ADAMTSL1: variants seen among roughly 807,000 people sequenced by gnomAD.
ADAMTSL1 encodes ADAMTS-like protein 1.
A neutral mutation model predicts 201.8 loss-of-function variants in ADAMTSL1; 126 were observed. The ratio of observed to expected loss-of-function variants is 0.62; its 90% CI spans 0.54 to 0.72. ADAMTSL1 has a LOEUF of 0.72. Ranked by LOEUF, ADAMTSL1 falls within the 30% of genes least tolerant of loss-of-function variation. The probability of loss-of-function intolerance (pLI) is 0.00; values close to 1 mark genes in which losing one functional copy is unlikely to be tolerated. For missense variants in ADAMTSL1, 2,679 were observed against 2,277.8 expected, an observed-to-expected ratio of 1.18 and a Z score of -3.59; for synonymous variants, 1,121 against 903.4, an observed-to-expected ratio of 1.24 and a Z score of -4.32.
intron 1 of ADAMTSL1, among the ~76,000 whole-genome samples, chr9:18,493,634 A>G (rs558507944): frequency 6.6e-6 from 1 of 152,378 alleles, no homozygotes; most frequent in South Asian, 2.1e-4. Context: ...TAGAGTTGGC[A>G]TAAAAAGACA....
In ADAMTSL1 at chr9:18,307,133, C is replaced by G. The variant is rs574309503; in HGVS notation, c.207+143152C>G. Among the ~76,000 whole-genome samples, 3 of 152,214 alleles carry G rather than the reference C, an allele frequency of 2.0e-5. No individual in the cohort carries two copies. In the South Asian group the frequency reaches 6.3e-4, roughly 32 times the overall value. On this transcript the variant is annotated intron_variant, in intron 2 of 29. Coordinates refer to the ADAMTSL1 transcript ENST00000680146. ...AAGGGGAAATAAAATCCTTTACAGA[C>G]AAGCAAATGCTGAGAGATTTTTTCA... is the stretch of plus-strand genomic sequence containing the variant.
chr9:18,074,932 C>T (rs946676764), intron 1 of ADAMTSL1, among the ~76,000 whole-genome samples: 1 of 152,184 alleles, frequency 6.6e-6, no homozygotes, highest in Non-Finnish European at 1.5e-5. Flanking sequence ...GGAATGCTGT[C>T]ATCAGCCAGG....
intron 7 of ADAMTSL1, among the ~76,000 whole-genome samples, chr9:18,655,819 A>AAAAAAAAAAAAAAAAAAT (rs1564123611): frequency 2.2e-4 from 22 of 101,038 alleles, no homozygotes; most frequent in Admixed American, 9.1e-4. Context: ...AAAAAAAAAA[A>AAAAAAAAAAAAAAAAAAT]AAAAAAAAAA....
intron 2 of ADAMTSL1, among the ~76,000 whole-genome samples, chr9:18,413,020 T>C (rs955012591): frequency 2.0e-5 from 3 of 152,198 alleles, no homozygotes; most frequent in African/African-American, 7.2e-5. Flanking sequence ...ACCAAGTTTT[T>C]AGTAGGCTCA....
chr9:18,657,817 T>A, intron 8 of ADAMTSL1, 67 bp downstream of exon 8: 1 of 1,308,090 alleles, frequency 7.6e-7, no homozygotes, highest in Non-Finnish European at 1.1e-6. Context: ...ATTATAAGAG[T>A]AGAGTTACTT....
chr9:17,999,843 G>C (rs1414477362), intron 1 of ADAMTSL1, among the ~76,000 whole-genome samples: 1 of 149,910 alleles, frequency 6.7e-6, no homozygotes, highest in African/African-American at 2.5e-5. Context: ...CTATGAGTGA[G>C]AATATGCGGT....
intron 23 of ADAMTSL1, among the ~76,000 whole-genome samples, chr9:18,836,141 C>T (rs908039802): frequency 2.0e-5 from 3 of 152,144 alleles, no homozygotes; most frequent in African/African-American, 7.2e-5. Context: ...AAAGCATTCC[C>T]TTTTCTCTGC....
chr9:18,353,283 C>A (rs917019889), intron 2 of ADAMTSL1, among the ~76,000 whole-genome samples: 9 of 152,174 alleles, frequency 5.9e-5, no homozygotes, highest in Admixed American at 5.9e-4. Flanking sequence ...ACTTACTATG[C>A]ACTAGACAGG....
chr9:18,790,762 C>G lies in ADAMTSL1; in HGVS notation c.3678-4635C>G, dbSNP rs114477170. On this transcript the variant is annotated intron_variant, in intron 19 of 28. Transcript: ENST00000380548. ...AGGCCCCCAGAAAAACAAAACCGCT[C>G]CTTCATTTTCTGGCTAGAAGTAGGG... Among the ~76,000 whole-genome samples the G allele has an allele frequency of 4.7e-3, 713 of 152,156 alleles. 6 individuals carry two copies. The highest frequency in any genetic ancestry group is 0.016 in the African/African-American group (684 of 41,526).
intron 1 of ADAMTSL1, among the ~76,000 whole-genome samples, chr9:17,924,754 G>A (rs1382613101): frequency 3.8e-3 from 460 of 119,518 alleles, no homozygotes; most frequent in Non-Finnish European, 4.9e-3. Context: ...AAAAACCCTA[G>A]AAGAAAACCT....
chr9:17,913,352 T>G (rs1825964496), intron 1 of ADAMTSL1, among the ~76,000 whole-genome samples: 2 of 152,222 alleles, frequency 1.3e-5, no homozygotes. Context: ...TCCATTTGTT[T>G]GTATCCTCTT....
In ADAMTSL1 at chr9:18,345,747, G is replaced by A. The variant is rs568501053; in HGVS notation, c.208-159082G>A. 7.2e-5 allele frequency among the ~76,000 whole-genome samples: 11 copies of A among 152,244 alleles called. No homozygotes were observed. In the East Asian group the frequency reaches 2.1e-3, roughly 29 times the overall value. On this transcript the variant is annotated intron_variant, in intron 2 of 29. Transcript: ENST00000680146. ...AAGGGAATGAACATGCATCTCAGAG[G>A]TGAGAGGAGCTGCTTCTGTAGCAGC...
At chr9:18,143,964 CT>C (rs1826513974) in intron 1 of ADAMTSL1, among the ~76,000 whole-genome samples, 1 of 152,120 alleles carries the variant, frequency 6.6e-6, no homozygotes, top group Non-Finnish European at 1.5e-5. Context: ...CAAAAGATTT[CT>C]GGTGGGAACG....
intron 4 of ADAMTSL1, among the ~76,000 whole-genome samples, chr9:18,597,679 GC>G (rs1374488164): frequency 6.6e-5 from 10 of 152,102 alleles, no homozygotes; most frequent in African/African-American, 2.4e-4. Context: ...TTATACATGG[GC>G]TAACTGGCAT....
At chr9:18,514,327 C>CTTTTTTTTTTTTTTT (rs397963773) in intron 2 of ADAMTSL1, among the ~76,000 whole-genome samples, 6 of 100,094 alleles carry the variant, frequency 6.0e-5, no homozygotes, top group African/African-American at 1.2e-4. Context: ...ATTTTTCTTT[C>CTTTTTTTTTTTTTTT]TTTTTTTTTT....
chr9:18,691,989 G>A (rs188335056), intron 13 of ADAMTSL1, among the ~76,000 whole-genome samples: 326 of 152,304 alleles, frequency 2.1e-3, no homozygotes, highest in Non-Finnish European at 3.7e-3. Flanking sequence ...TGAGGCAGCT[G>A]TTGTATCTGC....
At chr9:18,495,494 C>T (rs977624560) in intron 1 of ADAMTSL1, among the ~76,000 whole-genome samples, 1 of 152,188 alleles carries the variant, frequency 6.6e-6, no homozygotes, top group Admixed American at 6.5e-5. Context: ...AGCTAAGAGA[C>T]TAGGTTGGTT....
intron 2 of ADAMTSL1, among the ~76,000 whole-genome samples, chr9:18,367,913 T>A (rs1836846962): frequency 6.6e-6 from 1 of 151,904 alleles, no homozygotes. Context: ...TTTATTTTAT[T>A]TTTTGAGACG....
chr9:18,872,296 G>C (rs181016934), intron 23 of ADAMTSL1, among the ~76,000 whole-genome samples: 2 of 152,278 alleles, frequency 1.3e-5, no homozygotes, highest in East Asian at 3.9e-4. Flanking sequence ...AGGGCTGAGG[G>C]AACAAGGGAA....
Sources: gnomAD v4.1 joint callset for allele counts (sites outside exome capture counted in the v4.1 genomes callset) on GRCh38, gnomAD v4.1.1 for gene constraint, MANE v1.5 for transcripts, NCBI Gene and HGNC (gene_info 2026-07-23, HGNC 2026-07-21) for gene names.